Variants in PTK2B observed in about 807,000 individuals in gnomAD.
PTK2B encodes protein-tyrosine kinase 2-beta.
PTK2B carries 71 observed loss-of-function variants against 142.9 expected under a neutral mutation model. The observed-to-expected ratio is 0.50, with a 90% confidence interval of 0.41 to 0.61. PTK2B has a LOEUF of 0.61. Among genes scored for constraint, PTK2B ranks in the 20% least tolerant of loss-of-function variants. The pLI, the probability that PTK2B is intolerant of heterozygous loss-of-function variation, is 0.00. For synonymous variants in PTK2B, 519 were observed against 503.4 expected (o/e 1.03, Z -0.42); for missense variants, 1,105 against 1,320.4 (o/e 0.84, Z 2.53).
At chr8:27,444,185 C>T (rs373872451) in intron 22 of PTK2B, 21 bp from the exon 23 acceptor site, 14 of 1,603,068 alleles carry the variant, frequency 8.7e-6, no homozygotes, top group Admixed American at 3.3e-5. Flanking sequence ...AGAGACTGAC[C>T]CATCTGTGTT....
intron 2 of PTK2B, among the ~76,000 whole-genome samples, chr8:27,312,804 T>G (rs186191915): frequency 9.6e-4 from 146 of 152,304 alleles, no homozygotes; most frequent in African/African-American, 3.1e-3. Flanking sequence ...GTGGAATAAC[T>G]GGCCATAAAG....
At chr8:27,405,914 A>C (rs1808685253) in intron 2 of PTK2B, among the ~76,000 whole-genome samples, 1 of 152,242 alleles carries the variant, frequency 6.6e-6, no homozygotes, top group Non-Finnish European at 1.5e-5. Flanking sequence ...GCAAACTCAG[A>C]AGGTATATAA....
intron 1 of PTK2B, among the ~76,000 whole-genome samples, chr8:27,330,499 G>T (rs986622507): frequency 2.6e-5 from 4 of 152,138 alleles, no homozygotes; most frequent in Non-Finnish European, 4.4e-5. Flanking sequence ...GACTGTCTAC[G>T]AATGCCCAGC....
chr8:27,394,604 G>A (rs954365980), intron 1 of PTK2B, among the ~76,000 whole-genome samples: 139 of 152,156 alleles, frequency 9.1e-4, no homozygotes, highest in African/African-American at 3.1e-3. Context: ...TTATAAACAC[G>A]GTGTACTTAG....
intron 22 of PTK2B, among the ~76,000 whole-genome samples, chr8:27,443,631 A>T (rs1306347116): frequency 6.6e-6 from 1 of 152,176 alleles, no homozygotes; most frequent in Admixed American, 6.5e-5. Flanking sequence ...CTCCATCCTC[A>T]TAACCTCATC....
chr8:27,431,298 G>GA (rs2132032035), intron 8 of PTK2B, 100 bp from the exon 9 acceptor site: 2 of 1,590,638 alleles, frequency 1.3e-6, no homozygotes, highest in South Asian at 1.1e-5. Flanking sequence ...GGAGACCCAG[G>GA]AAACAGTGGC....
chr8:27,441,955 G>A (rs1811181814), intron 21 of PTK2B, among the ~76,000 whole-genome samples: 1 of 152,074 alleles, frequency 6.6e-6, no homozygotes, highest in African/African-American at 2.4e-5. Flanking sequence ...TGCCACAAGT[G>A]GAGGTGGGAG....
chr8:27,375,532 T>C (rs1250188473), intron 1 of PTK2B, among the ~76,000 whole-genome samples: 2 of 152,196 alleles, frequency 1.3e-5, no homozygotes, highest in African/African-American at 2.4e-5. Flanking sequence ...GCAGAACATA[T>C]GTGTTTCCCT....
At chr8:27,451,201 C>G in intron 26 of PTK2B, 123 bp downstream of exon 26, 1 of 1,211,262 alleles carries the variant, frequency 8.3e-7, no homozygotes, top group Non-Finnish European at 1.2e-6. Context: ...CAATGGCTTT[C>G]CATGTTGGGA....
At chr8:27,438,132 G>T (rs1478126007) in intron 18 of PTK2B, 2 of 433,874 alleles carry the variant, frequency 4.6e-6, no homozygotes, top group African/African-American at 4.0e-5. Flanking sequence ...TATATATCAA[G>T]ACCTTCTAGC....
intron 1 of PTK2B, among the ~76,000 whole-genome samples, chr8:27,333,314 G>A (rs1385310052): frequency 6.6e-6 from 1 of 152,234 alleles, no homozygotes; most frequent in Non-Finnish European, 1.5e-5. Context: ...TATCCTGGAA[G>A]TCCCAGACAG....
chr8:27,454,542 G>C lies in PTK2B; in HGVS notation c.2745G>C (p.Leu915=). Reference sequence around the variant, plus strand: ...CTTTCTCCCCCCAGAATGTGGGGCTGACCCTGCGGAAGCTCATCGGGAGCG... The same window carrying C: ...CTTTCTCCCCCCAGAATGTGGGGCTCACCCTGCGGAAGCTCATCGGGAGCG... ...GYVVVVKNVG[L]TLRKLIGSVD... is the part of the protein sequence containing the mutation. Residue 915 remains leucine, a synonymous_variant, in exon 30 of 31, where the codon CTG becomes CTC. Coordinates refer to ENST00000346049, the MANE Select transcript of PTK2B (RefSeq NM_173176.3). The C allele has an allele frequency of 1.2e-6, 2 of 1,614,180 alleles. No homozygotes were observed. The highest frequency in any genetic ancestry group is 1.7e-6 in the Non-Finnish European group (2 of 1,180,028).
chr8:27,368,415 C>G (rs1437417761), intron 1 of PTK2B, among the ~76,000 whole-genome samples: 3 of 152,186 alleles, frequency 2.0e-5, no homozygotes, highest in Non-Finnish European at 4.4e-5. Flanking sequence ...CCAAATTCCC[C>G]TTGGTATTCA....
chr8:27,457,870 G>A (rs1323594783), intron 30 of PTK2B, among the ~76,000 whole-genome samples: 1 of 151,920 alleles, frequency 6.6e-6, no homozygotes, highest in African/African-American at 2.4e-5. Flanking sequence ...AGCTACTCGG[G>A]AGGCTGAGGC....
At chr8:27,451,657 C>G in intron 27 of PTK2B, 148 bp downstream of exon 27, 1 of 1,498,784 alleles carries the variant, frequency 6.7e-7, no homozygotes, top group African/African-American at 1.4e-5. Context: ...GCATGTGGGG[C>G]AGGCCAGCTT....
At chr8:27,316,932 A>G (rs1803107965) in intron 3 of PTK2B, among the ~76,000 whole-genome samples, 2 of 152,232 alleles carry the variant, frequency 1.3e-5, no homozygotes, top group Non-Finnish European at 2.9e-5. Context: ...GCAACATAAA[A>G]TGATTTAAGC....
upstream of PTK2B, chr8:27,325,429 T>G (rs1803349869): frequency 6.6e-6 from 1 of 152,128 alleles, no homozygotes; most frequent in Non-Finnish European, 1.5e-5. Context: ...TTTCAGAGTT[T>G]ATGGTAAGAG....
At chr8:27,338,368 A>G (rs1804201377) in intron 1 of PTK2B, among the ~76,000 whole-genome samples, 1 of 151,722 alleles carries the variant, frequency 6.6e-6, no homozygotes, top group African/African-American at 2.4e-5. Context: ...TAAGAATTAT[A>G]CAATGGACTT....
intron 1 of PTK2B, among the ~76,000 whole-genome samples, chr8:27,360,046 G>A (rs1056238614): frequency 3.3e-5 from 5 of 152,172 alleles, no homozygotes; most frequent in African/African-American, 7.2e-5. Flanking sequence ...TTTACCACTC[G>A]GATGTGATTA....
Sources: allele counts gnomAD v4.1 joint callset (sites outside exome capture counted in the v4.1 genomes callset), GRCh38; gene constraint gnomAD v4.1.1; transcripts MANE v1.5; gene names NCBI Gene and HGNC (gene_info 2026-07-23, HGNC 2026-07-21).